Variants in DDX27 observed in about 807,000 individuals in gnomAD.
DDX27 encodes probable ATP-dependent RNA helicase DDX27.
In DDX27, 42 loss-of-function variants were observed where a neutral mutation model predicts 99.3. The ratio of observed to expected loss-of-function variants is 0.42; its 90% CI spans 0.33 to 0.55. The LOEUF (loss-of-function observed/expected upper bound fraction) is 0.55. DDX27 is among the 20% of genes least tolerant of loss of function. The pLI is 0.07. For missense variants in DDX27, 798 were observed against 976.8 expected, an observed-to-expected ratio of 0.82 and a Z score of 2.44; for synonymous variants, 329 against 353.8, an observed-to-expected ratio of 0.93 and a Z score of 0.79.
rs762904972 is a variant in DDX27, at chr20:49,224,990, A to G, written c.512A>G (p.Gln171Arg). 2.5e-6 allele frequency: 4 copies of G among 1,614,214 alleles called. No homozygotes were observed. Among genetic ancestry groups the G allele is most frequent in the South Asian group, 1.1e-5 (1 of 91,088 alleles). ...CGGAAGAAGAAGAAGAAGAAAGGAC[A>G]GGTGAGCTTGGGGCTGCAAGACAGT... ...KDRKKKKKKG[Q>R]EAGGFFEDAS... The change falls in exon 5 of 21, where the codon CAG becomes CGG. Residue 171 changes from glutamine to arginine, a missense_variant and splice_region_variant. Gln to Arg is a conservative substitution (Grantham distance 43). Transcript: ENST00000618172.
In DDX27 at chr20:49,243,638, T is replaced by G; in HGVS notation, c.2214T>G (p.Phe738Leu). Residue 738 changes from phenylalanine (F) to leucine (L), a missense_variant, in exon 20 of 21, where the codon TTT (phenylalanine) becomes TTG (leucine). Coordinates refer to ENST00000618172, the MANE Select transcript of DDX27 (RefSeq NM_017895.8). ...TCATCTTCTCTCACAGCCCTTCCTT[T>G]GAAGAAAGGAAACAGTTGGGCTTGC... ...ALKQYRAGPS[F>L]EERKQLGLPH... 1 of 1,614,170 alleles carries G rather than the reference T, an allele frequency of 6.2e-7. No individual in the cohort carries two copies. The highest frequency in any genetic ancestry group is 8.5e-7 in the Non-Finnish European group (1 of 1,180,028).
In DDX27 at chr20:49,221,662, G is replaced by T; in HGVS notation, c.240+64G>T. The T allele has an allele frequency of 2.7e-6, 4 of 1,480,506 alleles. No individual in the cohort carries two copies. The South Asian group carries it at 5.3e-5, about 20-fold the overall frequency. The allele number at this position is 1,480,506 out of a possible 1,614,324, so 91.7% of individuals were successfully genotyped here. A position where few individuals can be genotyped will look rare whatever the true frequency, so the allele number is the denominator to read the frequency against. On this transcript the variant is annotated intron_variant, in intron 2 of 20. Coordinates refer to ENST00000618172, the MANE Select transcript of DDX27 (RefSeq NM_017895.8). ...TATTAAGATTGGACTGTGAGTTTCAGGGCCTAGCCCTGACCTGACTGACCA... is the reference window on the plus strand; with the variant it reads ...TATTAAGATTGGACTGTGAGTTTCATGGCCTAGCCCTGACCTGACTGACCA...
At chr20:49,223,696 C>T (rs538868575) in intron 4 of DDX27, among the ~76,000 whole-genome samples, 2 of 151,586 alleles carry the variant, frequency 1.3e-5, no homozygotes, top group Admixed American at 1.3e-4. Flanking sequence ...GCCTGGGCAA[C>T]ATGGTAAAAC....
chr20:49,228,269 G>A (rs539866680), intron 7 of DDX27, among the ~76,000 whole-genome samples: 192 of 152,050 alleles, frequency 1.3e-3, no homozygotes, highest in African/African-American at 4.5e-3. Context: ...CTGAGTAGCT[G>A]GGATTACAGG....
Position 49,244,038 on chromosome 20 carries a change from C to A in DDX27, c.*204C>A. The A allele has an allele frequency of 1.6e-6, 1 of 611,986 alleles. No individual in the cohort carries two copies. 37.9% of individuals were successfully genotyped at this position (611,986 alleles called of 1,614,324 possible). A position where few individuals can be genotyped will look rare whatever the true frequency, so the allele number is the denominator to read the frequency against. On this transcript the variant is annotated 3_prime_UTR_variant, in exon 21 of 21. Coordinates refer to ENST00000618172, the MANE Select transcript of DDX27 (RefSeq NM_017895.8). ...TTCTTGCTGATTAGCTTTCATATGA[C>A]TATATTAAATGGAAGTATTTTTGGG... is the stretch of plus-strand genomic sequence containing the variant.
intron 7 of DDX27, among the ~76,000 whole-genome samples, chr20:49,226,803 T>TAAA (rs1234604257): frequency 1.4e-5 from 2 of 144,230 alleles, no homozygotes; most frequent in African/African-American, 5.2e-5. Flanking sequence ...TGCCTGGCCA[T>TAAA]AAAATTTTTG....
At chr20:49,238,611 G>T in intron 14 of DDX27, 1 of 262,774 alleles carries the variant, frequency 3.8e-6, no homozygotes, top group Admixed American at 5.1e-5. Context: ...GGGATTACAG[G>T]CGTGTGCCCC....
intron 6 of DDX27, among the ~76,000 whole-genome samples, 175 bp downstream of exon 6, chr20:49,225,374 T>C (rs238159): frequency 0.79 from 119,076 of 151,378 alleles, 47,155 homozygotes; most frequent in Middle Eastern, 0.84. Flanking sequence ...ATGGGATTAT[T>C]GCAGCCACCC....
Position 49,223,026 on chromosome 20 carries a change from A to G in DDX27, c.300+10A>G, listed in dbSNP as rs766000442. 6.2e-7 allele frequency: 1 copy of G among 1,611,842 alleles called. No individual in the cohort carries two copies. The highest frequency in any genetic ancestry group is 1.3e-5 in the African/African-American group (1 of 74,932). On this transcript the variant is annotated intron_variant, in intron 3 of 20. Transcript: ENST00000618172. ...GAAAAGGAAAACAGAGGTGAGAAGA[A>G]AAGTGGCTATTTTTCGTTGTTAGGG... is the stretch of plus-strand genomic sequence containing the variant.
chr20:49,223,116 C>A, intron 3 of DDX27, 100 bp downstream of exon 3: 1 of 1,392,528 alleles, frequency 7.2e-7, no homozygotes, highest in Non-Finnish European at 1.0e-6. Context: ...CGGGGCATGG[C>A]TGGGGCAGGC....
At chr20:49,240,151 A>T (rs758910674) in intron 16 of DDX27, among the ~76,000 whole-genome samples, 11 of 152,206 alleles carry the variant, frequency 7.2e-5, no homozygotes, top group Non-Finnish European at 1.2e-4. Context: ...TTGGAAACAG[A>T]TAGTGGTGAT....
At chr20:49,230,070 C>A in intron 8 of DDX27, 129 bp from the exon 9 acceptor site, 1 of 1,037,592 alleles carries the variant, frequency 9.6e-7, no homozygotes, top group Non-Finnish European at 1.4e-6. Context: ...TGTGCTTGGG[C>A]CTTTGTCAGT....
intron 19 of DDX27, 33 bp downstream of exon 19, chr20:49,242,714 A>ATTATTTTTTTT: frequency 7.3e-7 from 1 of 1,360,764 alleles, no homozygotes; most frequent in South Asian, 1.3e-5. Flanking sequence ...AGCCCTTGGT[A>ATTATTTTTTTT]TTCTTTTTTT....
chr20:49,239,933 A>C (rs926476769), intron 16 of DDX27, among the ~76,000 whole-genome samples: 1 of 152,226 alleles, frequency 6.6e-6, no homozygotes, highest in Non-Finnish European at 1.5e-5. Context: ...AACCTTGAAA[A>C]TCTTAAGCTG....
At position 49,225,073 on chromosome 20, in the gene DDX27, TTTG is replaced by T. The variant is rs562346924; in HGVS notation, c.514-36_514-34del. 1,455 of 1,612,888 alleles carry T rather than the reference TTTG, an allele frequency of 9.0e-4. 6 individuals are homozygous for T. The Middle Eastern group carries it at 0.018, about 20-fold the overall frequency. The stretch of plus-strand genomic sequence containing the variant: ...AGGTCGTTTGGGTTTCTTGGCTCTT[TTTG>T]TTGAATTCTCTTCTCTCTTTTGGTT... On this transcript the variant is annotated intron_variant, in intron 5 of 20. Transcript: ENST00000618172.
intron 9 of DDX27, among the ~76,000 whole-genome samples, 192 bp downstream of exon 9, chr20:49,230,541 A>G (rs1374564555): frequency 1.3e-5 from 2 of 151,974 alleles, no homozygotes; most frequent in African/African-American, 2.4e-5. Flanking sequence ...CTCTTTCTCT[A>G]TTATGGTGGT....
Position 49,233,393 on chromosome 20 carries a change from C to A in DDX27, c.1119C>A (p.Thr373=). ...HHRQTMLFSA[T]MTDEVKDLAS... is the part of the protein sequence containing the mutation. ...GCCAGACCATGCTCTTCTCGGCCAC[C>A]ATGACAGACGAGGTGGGCCGAGGGA... The change falls in exon 10 of 21, where the codon ACC becomes ACA. Residue 373 remains threonine (T), a synonymous_variant. Transcript: ENST00000618172. The A allele has an allele frequency of 6.2e-7, 1 of 1,613,992 alleles. No individual in the cohort carries two copies. The highest frequency in any genetic ancestry group is 8.5e-7 in the Non-Finnish European group (1 of 1,180,012).
intron 7 of DDX27, 89 bp downstream of exon 7, chr20:49,226,624 A>C: frequency 1.2e-6 from 1 of 820,546 alleles, no homozygotes; most frequent in Admixed American, 2.9e-5. Flanking sequence ...GGTTTGCTAA[A>C]TAAATATTCT....
At position 49,236,465 on chromosome 20, in the gene DDX27, G is replaced by A. The variant is rs1980312650; in HGVS notation, c.1642G>A (p.Val548Ile). 6.2e-7 allele frequency: 1 copy of A among 1,611,164 alleles called. No homozygotes were observed. Among genetic ancestry groups the A allele is most frequent in the Non-Finnish European group, 8.5e-7 (1 of 1,178,660 alleles). Reference sequence around the variant, plus strand: ...TGAGCGGAAGATGCTGAAGGAGATTGTAAAAGCTGCCAAGGCCCCTGTGAA... The same window carrying A: ...TGAGCGGAAGATGCTGAAGGAGATTATAAAAGCTGCCAAGGCCCCTGTGAA... ...EDERKMLKEI[V>I]KAAKAPVKAR... The change falls in exon 14 of 21, where the codon GTA (valine) becomes ATA (isoleucine). Residue 548 changes from valine (V) to isoleucine (I), a missense_variant. Around this residue, in one of 2 missense-constraint regions of DDX27, gnomAD observed 553 missense variants for 727.9 expected, o/e 0.76. Coordinates refer to ENST00000618172, the MANE Select transcript of DDX27 (RefSeq NM_017895.8). The surrounding 1 kb of genome is among the most constrained non-coding windows in gnomAD (Gnocchi z 4.1).
Sources: gnomAD v4.1 joint callset for allele counts (sites outside exome capture counted in the v4.1 genomes callset) on GRCh38, gnomAD v4.1.1 for gene constraint, gnomAD v4.1.1 regional missense constraint, Gnocchi (gnomAD v3.1) non-coding constraint, MANE v1.5 for transcripts, NCBI Gene and HGNC (gene_info 2026-07-23, HGNC 2026-07-21) for gene names.